FGF13: variants seen among roughly 807,000 people sequenced by gnomAD.
The protein encoded by FGF13 is fibroblast growth factor homologous factor 2.
In FGF13, 2 loss-of-function variants were observed where a neutral mutation model predicts 19.5. The ratio of observed to expected loss-of-function variants is 0.10; its 90% confidence interval spans 0.04 to 0.32. The LOEUF is 0.32. FGF13 is among the 10% of genes least tolerant of loss of function. The probability of loss-of-function intolerance (pLI) is 1.00; values close to 1 mark genes in which losing one functional copy is unlikely to be tolerated. For missense variants in FGF13, 113 were observed against 192.7 expected (o/e 0.59, Z 2.45); for synonymous variants, 72 against 76.9 (o/e 0.94, Z 0.33).
chrX:138,867,709 G>A (rs895055407), intron 1 of FGF13, among the ~76,000 whole-genome samples: 2 of 111,321 alleles, frequency 1.8e-5, no homozygotes, highest in Non-Finnish European at 1.9e-5. Flanking sequence ...CCCACAATAT[G>A]TGGGAATTAT....
intron 3 of FGF13, among the ~76,000 whole-genome samples, chrX:138,636,191 C>T (rs1195827332): frequency 1.8e-5 from 2 of 111,728 alleles, no homozygotes; most frequent in Non-Finnish European, 3.8e-5. Context: ...TTAGGTAAAC[C>T]AAATTGATTT....
At chrX:138,949,183 G>A (rs1246548457) in intron 1 of FGF13, among the ~76,000 whole-genome samples, 3 of 111,974 alleles carry the variant, frequency 2.7e-5, no homozygotes, top group Non-Finnish European at 3.8e-5. Context: ...CCTTGAAGAA[G>A]GATGTAAAAA....
intron 1 of FGF13, among the ~76,000 whole-genome samples, chrX:138,896,388 A>G (rs1014145684): frequency 1.8e-5 from 2 of 111,826 alleles, no homozygotes. Flanking sequence ...TCAGTACACA[A>G]TAATGAGTCA....
chrX:139,167,185 T>C (rs184321604), intron 1 of FGF13, among the ~76,000 whole-genome samples: 1 of 112,050 alleles, frequency 8.9e-6, no homozygotes, highest in African/African-American at 3.2e-5. Flanking sequence ...TGTGCATAAG[T>C]CAACGGAAGC....
Position 138,624,124 on chromosome X carries a change from T to G in FGF13, c.*8726A>C, listed in dbSNP as rs1569347387. 1 of 112,032 alleles carries G rather than the reference T, an allele frequency of 8.9e-6. No individual in the cohort carries two copies. The highest frequency in any genetic ancestry group is 2.8e-4 in the East Asian group (1 of 3,560). The allele number at this position is 112,032 out of a possible 1,213,427, so 9.2% of individuals were successfully genotyped here. On this transcript the variant is annotated 3_prime_UTR_variant, in exon 5 of 5. Transcript: ENST00000315930. ...ATGGAACCACCTAAGTCCCCAAAGA[T>G]CTAAAACAATCTTGAGAAAGAAGTT...
At chrX:138,747,471 C>T in intron 3 of FGF13, among the ~76,000 whole-genome samples, 1 of 112,103 alleles carries the variant, frequency 8.9e-6, no homozygotes, top group South Asian at 3.8e-4. Flanking sequence ...ATGTATTTGG[C>T]TTGCTAAAGG....
At chrX:139,010,782 A>G (rs1216874676) in intron 1 of FGF13, among the ~76,000 whole-genome samples, 2 of 111,120 alleles carry the variant, frequency 1.8e-5, no homozygotes, top group Non-Finnish European at 3.8e-5. Context: ...CAAACCCCGC[A>G]GAAGAAAAGA....
At chrX:138,636,448 C>T (rs2089185155) in intron 3 of FGF13, among the ~76,000 whole-genome samples, 1 of 111,478 alleles carries the variant, frequency 9.0e-6, no homozygotes. Context: ...CTCAATAGAC[C>T]ATTTCAAGGA....
chrX:138,819,855 A>C (rs1237546718), intron 3 of FGF13, among the ~76,000 whole-genome samples: 1 of 111,951 alleles, frequency 8.9e-6, no homozygotes, highest in Non-Finnish European at 1.9e-5. Context: ...CATGTACTTC[A>C]AACAATAACT....
intron 4 of FGF13, among the ~76,000 whole-genome samples, 171 bp from the exon 5 acceptor site, chrX:138,633,157 T>C (rs1343032487): frequency 1.8e-5 from 2 of 111,899 alleles, no homozygotes; most frequent in East Asian, 5.6e-4. Flanking sequence ...TATACATATT[T>C]CAAAATACCT....
intron 1 of FGF13, among the ~76,000 whole-genome samples, chrX:138,911,648 T>G (rs1352682267): frequency 8.9e-6 from 1 of 111,861 alleles, no homozygotes; most frequent in East Asian, 2.8e-4. Flanking sequence ...ATCTCAAATC[T>G]AATTTCCCAC....
chrX:138,662,631 G>A (rs1167904506), intron 3 of FGF13, among the ~76,000 whole-genome samples: 1 of 111,879 alleles, frequency 8.9e-6, no homozygotes, highest in Non-Finnish European at 1.9e-5. Flanking sequence ...TCCAAAAAGA[G>A]CATTTTGATT....
intron 1 of FGF13, among the ~76,000 whole-genome samples, chrX:138,877,209 C>T (rs773167088): frequency 2.8e-5 from 3 of 106,793 alleles, no homozygotes; most frequent in East Asian, 5.9e-4. Flanking sequence ...ACAAACTGCA[C>T]GTTCTGCACA....
Position 139,097,901 on chromosome X carries a change from C to T in FGF13, c.-113+105515G>A, listed in dbSNP as rs184623799. ...TATTAAGAGAATTTAACAAGGTTGC[C>T]AGAGCCAGGCTTTTAAGTATAGGTA... On this transcript the variant is annotated intron_variant, in intron 1 of 2. Transcript: ENST00000421460. 3.3e-4 allele frequency among the ~76,000 whole-genome samples: 37 copies of T among 112,106 alleles called. No homozygotes were observed. In the East Asian group the frequency reaches 0.01, roughly 31 times the overall value.
At chrX:139,092,077 C>A (rs2083442979) in intron 1 of FGF13, among the ~76,000 whole-genome samples, 1 of 111,327 alleles carries the variant, frequency 9.0e-6, no homozygotes, top group African/African-American at 3.3e-5. Context: ...CAAGAGGTAT[C>A]GAGTGCCTGC....
chrX:138,948,635 A>G (rs1034594134), intron 1 of FGF13, among the ~76,000 whole-genome samples: 17 of 112,036 alleles, frequency 1.5e-4, no homozygotes, highest in Admixed American at 1.4e-3. Context: ...GCATTAAGAC[A>G]AAATCTACCT....
At chrX:138,778,559 C>T (rs755296711) in intron 3 of FGF13, among the ~76,000 whole-genome samples, 10 of 112,203 alleles carry the variant, frequency 8.9e-5, no homozygotes, top group African/African-American at 3.2e-4. Context: ...GGTGACAGAC[C>T]GCACCTGGAA....
chrX:139,114,765 T>C (rs2083627461), intron 1 of FGF13, among the ~76,000 whole-genome samples: 1 of 111,985 alleles, frequency 8.9e-6, no homozygotes, highest in Admixed American at 9.5e-5. Context: ...TTTATGTTAA[T>C]TATTTCTTGT....
intron 1 of FGF13, among the ~76,000 whole-genome samples, chrX:139,144,645 A>C (rs761800011): frequency 9.0e-6 from 1 of 111,352 alleles, no homozygotes; most frequent in African/African-American, 3.3e-5. Flanking sequence ...AAAGATCTTC[A>C]ACAGGTCCCC....
Sources: allele counts gnomAD v4.1 joint callset (sites outside exome capture counted in the v4.1 genomes callset), GRCh38; gene constraint gnomAD v4.1.1; transcripts MANE v1.5; gene names NCBI Gene and HGNC (gene_info 2026-07-23, HGNC 2026-07-21).